Variants in GRAMD1B observed in about 807,000 individuals in gnomAD.
The protein encoded by GRAMD1B is protein Aster-B.
A neutral mutation model predicts 99.7 loss-of-function variants in GRAMD1B; 37 were observed. The ratio of observed to expected loss-of-function variants is 0.37; its 90% CI spans 0.29 to 0.49. The LOEUF (loss-of-function observed/expected upper bound fraction) is 0.49, where lower values mean the gene tolerates loss of function less well. Ranked by LOEUF, GRAMD1B falls within the 20% of genes least tolerant of loss-of-function variation. GRAMD1B has a pLI of 0.98. For missense variants in GRAMD1B, 888 were observed against 1,009.2 expected (o/e 0.88, Z 1.63); for synonymous variants, 427 against 387.6 (o/e 1.10, Z -1.19).
At chr11:123,467,394 C>CTTTTTTTTTT in intron 1 of GRAMD1B, among the ~76,000 whole-genome samples, 1 of 103,340 alleles carries the variant, frequency 9.7e-6, no homozygotes, top group Non-Finnish European at 1.8e-5. Context: ...TTTTCAACAC[C>CTTTTTTTTTT]TTTTTTTTTT....
rs901138670 is a variant in GRAMD1B at position 123,505,086 on chromosome 11, A to G, written c.452+24193A>G. ...TCCCCAAAGCCCCTCTTAATGTCGG[A>G]CACCCTGTTCGGCAAGTATCTCCTG... On this transcript the variant is annotated intron_variant, in intron 2 of 19. Transcript: ENST00000635736. 3.3e-5 allele frequency among the ~76,000 whole-genome samples: 5 copies of G among 152,170 alleles called. No homozygotes were observed. In the South Asian group the frequency reaches 6.2e-4, roughly 19 times the overall value.
intron 1 of GRAMD1B, among the ~76,000 whole-genome samples, chr11:123,451,790 G>T (rs75881735): frequency 0.12 from 17,765 of 152,012 alleles, 1,203 homozygotes; most frequent in Non-Finnish European, 0.15. Context: ...TCTCTTGAAA[G>T]ATGTAGTCTA....
intron 3 of GRAMD1B, among the ~76,000 whole-genome samples, chr11:123,582,781 G>A (rs1045452362): frequency 1.3e-5 from 2 of 152,190 alleles, no homozygotes; most frequent in Non-Finnish European, 2.9e-5. Context: ...GTGCGTAGTC[G>A]CTTCCTTCCC....
chr11:123,578,873 C>T (rs1949028688), intron 3 of GRAMD1B, among the ~76,000 whole-genome samples: 1 of 152,164 alleles, frequency 6.6e-6, no homozygotes, highest in Non-Finnish European at 1.5e-5. Context: ...AGGAGGGCTG[C>T]GCTGACTGGG....
intron 2 of GRAMD1B, among the ~76,000 whole-genome samples, chr11:123,507,803 T>C (rs1295248122): frequency 6.6e-6 from 1 of 152,146 alleles, no homozygotes; most frequent in Non-Finnish European, 1.5e-5. Context: ...AAGTGTCCAA[T>C]TGAGGTTTTA....
intron 1 of GRAMD1B, among the ~76,000 whole-genome samples, chr11:123,384,081 G>A (rs1946978760): frequency 6.6e-6 from 1 of 152,006 alleles, no homozygotes; most frequent in African/African-American, 2.4e-5. Context: ...TGTTGGCCAG[G>A]GTGGTCTTGA....
intron 2 of GRAMD1B, among the ~76,000 whole-genome samples, chr11:123,539,933 C>T (rs913720297): frequency 2.0e-5 from 3 of 152,112 alleles, no homozygotes; most frequent in Non-Finnish European, 4.4e-5. Flanking sequence ...AATTGATCCG[C>T]GAGTAGGAAT....
chr11:123,541,277 A>T lies in GRAMD1B; in HGVS notation c.453-36090A>T, dbSNP rs367673815. 3.9e-5 allele frequency among the ~76,000 whole-genome samples: 6 copies of T among 152,194 alleles called. No homozygotes were observed. In the East Asian group the frequency reaches 1.2e-3, roughly 29 times the overall value. On this transcript the variant is annotated intron_variant, in intron 2 of 19. Transcript: ENST00000635736. The stretch of plus-strand genomic sequence containing the variant: ...AGGGACTAGCATTCTTTAGATAGAA[A>T]CCTAGAAGCCAGATTTCTGGGTCCC...
chr11:123,518,357 G>A (rs940037094), intron 2 of GRAMD1B, among the ~76,000 whole-genome samples: 3 of 152,168 alleles, frequency 2.0e-5, no homozygotes, highest in Admixed American at 6.5e-5. Context: ...TCTATTGCCA[G>A]ACAGAGCTCT....
chr11:123,610,056 A>G lies in GRAMD1B; in HGVS notation c.1777-140A>G. On this transcript the variant is annotated intron_variant, in intron 13 of 19. Transcript: ENST00000635736. The surrounding 1 kb of genome is among the most constrained non-coding windows in gnomAD (Gnocchi z 4.1). ...AGCGGTGGTGGCGTCTTGCTTGTTTAGTTGCTGCTGATTCCAGTGATCCTG... is the reference window on the plus strand; with the variant it reads ...AGCGGTGGTGGCGTCTTGCTTGTTTGGTTGCTGCTGATTCCAGTGATCCTG... 1.3e-6 allele frequency: 1 copy of G among 750,116 alleles called. No homozygotes were observed. Among genetic ancestry groups the G allele is most frequent in the Non-Finnish European group, 2.2e-6 (1 of 464,948 alleles). The allele number at this position is 750,116 out of a possible 1,614,324, so 46.5% of individuals were successfully genotyped here. A position where few individuals can be genotyped will look rare whatever the true frequency, so the allele number is the denominator to read the frequency against.
chr11:123,499,455 G>A (rs773170183), intron 2 of GRAMD1B, among the ~76,000 whole-genome samples: 1 of 152,186 alleles, frequency 6.6e-6, no homozygotes, highest in Non-Finnish European at 1.5e-5. Context: ...TCCCTTACCT[G>A]TCTTCTGCAT....
intron 2 of GRAMD1B, 31 bp from the exon 3 acceptor site, chr11:123,577,336 C>T (rs1288659783): frequency 6.5e-7 from 1 of 1,537,042 alleles, no homozygotes; most frequent in Non-Finnish European, 8.8e-7. Flanking sequence ...TCTCTTTCCA[C>T]CCCGCTCCCT....
chr11:123,374,850 G>A (rs1946640403), intron 1 of GRAMD1B, among the ~76,000 whole-genome samples: 1 of 152,154 alleles, frequency 6.6e-6, no homozygotes, highest in South Asian at 2.1e-4. Context: ...TGTGGCGTCT[G>A]TCTTCCCCAA....
intron 2 of GRAMD1B, among the ~76,000 whole-genome samples, chr11:123,518,781 C>G (rs1941918955): frequency 6.6e-6 from 1 of 152,108 alleles, no homozygotes; most frequent in Non-Finnish European, 1.5e-5. Context: ...CCACGGAAGC[C>G]CTGGCTGCCT....
chr11:123,553,788 A>G (rs1320946335), intron 2 of GRAMD1B, among the ~76,000 whole-genome samples: 1 of 152,226 alleles, frequency 6.6e-6, no homozygotes, highest in Non-Finnish European at 1.5e-5. Context: ...CTCATAATGC[A>G]CAGACTATAT....
chr11:123,507,032 G>A (rs1940505326), intron 2 of GRAMD1B, among the ~76,000 whole-genome samples: 1 of 152,208 alleles, frequency 6.6e-6, no homozygotes. Context: ...AACTGAGTCG[G>A]TAGATGTTTT....
chr11:123,572,373 A>T (rs1026109177), intron 2 of GRAMD1B, among the ~76,000 whole-genome samples: 1 of 152,224 alleles, frequency 6.6e-6, no homozygotes, highest in Non-Finnish European at 1.5e-5. Flanking sequence ...GATGAATGGC[A>T]CATTATAAAG....
intron 1 of GRAMD1B, among the ~76,000 whole-genome samples, chr11:123,420,189 T>G (rs1365067715): frequency 6.6e-6 from 1 of 152,158 alleles, no homozygotes; most frequent in African/African-American, 2.4e-5. Context: ...CAAATGAACA[T>G]AGTGGAGACT....
In GRAMD1B at chr11:123,461,279, T is replaced by C. The variant is rs552331631; in HGVS notation, c.375-19537T>C. ...GGCTCCTAAATCAAGCTATGTTGAC[T>C]TCAGCTGGCAGAAAAGCCAAGCTGG... On this transcript the variant is annotated intron_variant, in intron 1 of 19. Coordinates refer to ENST00000635736, the MANE Select transcript of GRAMD1B (RefSeq NM_001387025.1). Among the ~76,000 whole-genome samples the C allele has an allele frequency of 3.9e-5, 6 of 152,354 alleles. No individual in the cohort carries two copies. The East Asian group carries it at 7.7e-4, about 20-fold the overall frequency.
Sources: allele counts gnomAD v4.1 joint callset (sites outside exome capture counted in the v4.1 genomes callset), GRCh38; gene constraint gnomAD v4.1.1; non-coding constraint Gnocchi (gnomAD v3.1); transcripts MANE v1.5; gene names NCBI Gene and HGNC (gene_info 2026-07-23, HGNC 2026-07-21).